Variants in TRPC4 observed in about 807,000 individuals in gnomAD.
TRPC4 encodes the protein short transient receptor potential channel 4.
A neutral mutation model predicts 99.4 loss-of-function variants in TRPC4; 49 were observed. The observed-to-expected ratio is 0.49, with a 90% CI of 0.39 to 0.63. TRPC4 has a LOEUF of 0.63. Ranked by LOEUF, TRPC4 falls within the 20% of genes least tolerant of loss-of-function variation. The pLI is 0.00. For missense variants in TRPC4, 898 were observed against 1,152.9 expected, an observed-to-expected ratio of 0.78 and a Z score of 3.20; for synonymous variants, 454 against 425.9, an observed-to-expected ratio of 1.07 and a Z score of -0.81.
intron 4 of TRPC4, among the ~76,000 whole-genome samples, chr13:37,677,789 C>T (rs1023094601): frequency 1.3e-4 from 20 of 152,054 alleles, no homozygotes; most frequent in African/African-American, 4.8e-4. Context: ...AAGACCTGAA[C>T]AACACTACCA....
At chr13:37,724,016 G>T (rs1243170835) in intron 3 of TRPC4, among the ~76,000 whole-genome samples, 1 of 151,914 alleles carries the variant, frequency 6.6e-6, no homozygotes, top group East Asian at 1.9e-4. Context: ...ATTTATGATA[G>T]GAAAAATTGG....
chr13:37,744,297 C>A (rs1055002967), intron 3 of TRPC4, among the ~76,000 whole-genome samples: 2 of 152,156 alleles, frequency 1.3e-5, no homozygotes, highest in Non-Finnish European at 2.9e-5. Context: ...CCATTTACCA[C>A]TTTGAACATC....
At chr13:37,816,185 A>G (rs1957849148) in intron 1 of TRPC4, among the ~76,000 whole-genome samples, 1 of 151,894 alleles carries the variant, frequency 6.6e-6, no homozygotes, top group Non-Finnish European at 1.5e-5. Flanking sequence ...AGGGCATTAT[A>G]TAATAGTAAA....
chr13:37,688,764 G>C (rs1000199369), intron 4 of TRPC4, among the ~76,000 whole-genome samples: 3 of 152,104 alleles, frequency 2.0e-5, no homozygotes, highest in Admixed American at 2.0e-4. Flanking sequence ...GTCAGTTCAA[G>C]AAGACTTGAG....
chr13:37,795,054 ACT>A (rs1957212236), intron 1 of TRPC4, among the ~76,000 whole-genome samples: 1 of 152,192 alleles, frequency 6.6e-6, no homozygotes, highest in Non-Finnish European at 1.5e-5. Flanking sequence ...AAAAATAACT[ACT>A]GTTATATAAA....
intron 1 of TRPC4, among the ~76,000 whole-genome samples, chr13:37,865,522 C>G (rs1387162918): frequency 1.3e-5 from 2 of 151,542 alleles, no homozygotes; most frequent in African/African-American, 4.8e-5. Context: ...TCATCCTGCT[C>G]AAGATAAGTA....
intron 3 of TRPC4, among the ~76,000 whole-genome samples, chr13:37,743,445 A>G (rs1023024100): frequency 6.6e-6 from 1 of 152,138 alleles, no homozygotes; most frequent in Admixed American, 6.6e-5. Flanking sequence ...ACCACTTTTT[A>G]TATTTATAAC....
intron 1 of TRPC4, among the ~76,000 whole-genome samples, chr13:37,826,967 T>G (rs193211096): frequency 2.6e-5 from 4 of 151,992 alleles, no homozygotes; most frequent in African/African-American, 9.7e-5. Context: ...AGGCTTTGCT[T>G]GTTTCTTTTT....
intron 7 of TRPC4, among the ~76,000 whole-genome samples, chr13:37,654,745 T>A: frequency 6.6e-6 from 1 of 152,208 alleles, no homozygotes; most frequent in Non-Finnish European, 1.5e-5. Flanking sequence ...GAGTGGTAGG[T>A]TAAATGGACC....
intron 8 of TRPC4, among the ~76,000 whole-genome samples, chr13:37,642,920 G>A (rs1385247912): frequency 6.6e-6 from 1 of 151,856 alleles, no homozygotes; most frequent in Non-Finnish European, 1.5e-5. Context: ...TAATAGAGAC[G>A]GGGGTTTCAC....
rs1951577545 is a variant in TRPC4 at position 37,637,594 on chromosome 13, A to G, written c.2243T>C (p.Phe748Ser). 6.3e-7 allele frequency: 1 copy of G among 1,596,832 alleles called. No homozygotes were observed. The highest frequency in any genetic ancestry group is 1.1e-5 in the South Asian group (1 of 87,942). ...TCCTCTTAGTAATCCCAGGACTTCA[A>G]AGCGGAAACTAGAAATGTCTTGCTT... Reference protein sequence around the residue: ...ELKQDISSFRFEVLGLLRGSK... With the variant: ...ELKQDISSFRSEVLGLLRGSK... Residue 748 changes from phenylalanine (F) to serine (S), a missense_variant, in exon 11 of 11, where the codon TTT (phenylalanine) becomes TCT (serine). Phe to Ser is a radical substitution (Grantham distance 155). Transcript: ENST00000379705.
At chr13:37,839,528 G>A (rs1958673410) in intron 1 of TRPC4, among the ~76,000 whole-genome samples, 1 of 152,034 alleles carries the variant, frequency 6.6e-6, no homozygotes, top group Admixed American at 6.6e-5. Context: ...TAATAATTCG[G>A]TTTCAATAAT....
At chr13:37,822,329 G>A (rs182026650) in intron 1 of TRPC4, among the ~76,000 whole-genome samples, 1,760 of 151,930 alleles carry the variant, frequency 0.012, 25 homozygotes, top group African/African-American at 0.04. Flanking sequence ...CAATGTGCAG[G>A]TTAGTTACAT....
intron 1 of TRPC4, among the ~76,000 whole-genome samples, chr13:37,849,967 C>T (rs1959013092): frequency 6.6e-6 from 1 of 152,196 alleles, no homozygotes; most frequent in African/African-American, 2.4e-5. Context: ...ATATATTAAC[C>T]ATAAGCTGCA....
At chr13:37,749,496 C>T (rs61364839) in intron 2 of TRPC4, among the ~76,000 whole-genome samples, 13,600 of 152,076 alleles carry the variant, frequency 0.089, 1,254 homozygotes, top group African/African-American at 0.23. Context: ...GGGACCCTGA[C>T]TCAGCCAGGC....
intron 1 of TRPC4, among the ~76,000 whole-genome samples, chr13:37,828,332 T>A (rs1337097608): frequency 6.6e-6 from 1 of 152,126 alleles, no homozygotes; most frequent in East Asian, 1.9e-4. Context: ...AGCCAAAAAA[T>A]AACAGATGCT....
chr13:37,831,758 T>C (rs1207788733), intron 1 of TRPC4, among the ~76,000 whole-genome samples: 5 of 152,186 alleles, frequency 3.3e-5, no homozygotes, highest in African/African-American at 1.2e-4. Context: ...TGAAGGACAT[T>C]ATGCTAAATG....
chr13:37,730,123 C>T (rs1269798591), intron 3 of TRPC4, among the ~76,000 whole-genome samples: 5 of 151,968 alleles, frequency 3.3e-5, no homozygotes, highest in Non-Finnish European at 5.9e-5. Flanking sequence ...CCAGCGAAAA[C>T]ATTAAAGTGA....
intron 2 of TRPC4, among the ~76,000 whole-genome samples, chr13:37,767,349 TA>T (rs1389789663): frequency 2.6e-5 from 4 of 151,170 alleles, no homozygotes; most frequent in African/African-American, 9.7e-5. Flanking sequence ...TATATATATA[TA>T]TATATCTATA....
Sources: allele counts gnomAD v4.1 joint callset (sites outside exome capture counted in the v4.1 genomes callset), GRCh38; gene constraint gnomAD v4.1.1; transcripts MANE v1.5; gene names NCBI Gene and HGNC (gene_info 2026-07-23, HGNC 2026-07-21).